B4GALT6: variants seen among roughly 807,000 people sequenced by gnomAD.
The protein encoded by B4GALT6 is beta-1,4-galactosyltransferase 6.
A neutral mutation model predicts 46.3 loss-of-function variants in B4GALT6; 14 were observed. The ratio of observed to expected loss-of-function variants is 0.30; its 90% confidence interval spans 0.20 to 0.47. The LOEUF is 0.47. Among genes scored for constraint, B4GALT6 ranks in the 20% least tolerant of loss-of-function variants. The pLI is 0.99. For synonymous variants in B4GALT6, 168 were observed against 162.0 expected, an observed-to-expected ratio of 1.04 and a Z score of -0.28; for missense variants, 386 against 480.1, an observed-to-expected ratio of 0.80 and a Z score of 1.83.
rs139704031 is a variant in B4GALT6, at chr18:31,655,485, G to C, written c.346+2491C>G. 7.3e-3 allele frequency among the ~76,000 whole-genome samples: 1,119 copies of C among 152,300 alleles called. 11 individuals carry two copies. Among genetic ancestry groups the C allele is most frequent in the African/African-American group, 0.025 (1,057 of 41,568 alleles). ...GACCCCTCCCCACCCCCAGTGAAAA[G>C]GCAGTGCACAGCAGCCACGCACGAC... On this transcript the variant is annotated intron_variant, in intron 3 of 8. Coordinates refer to ENST00000306851, the MANE Select transcript of B4GALT6 (RefSeq NM_004775.5).
intron 5 of B4GALT6, among the ~76,000 whole-genome samples, chr18:31,633,043 T>C (rs1160776768): frequency 1.3e-5 from 2 of 152,128 alleles, no homozygotes; most frequent in African/African-American, 4.8e-5. Context: ...TAAAGACCCA[T>C]GGAGAATACA....
intron 3 of B4GALT6, among the ~76,000 whole-genome samples, chr18:31,651,650 C>T (rs576650818): frequency 6.6e-6 from 1 of 152,222 alleles, no homozygotes; most frequent in Admixed American, 6.5e-5. Flanking sequence ...GGGGAGGAGG[C>T]ATTCCTGAGG....
At chr18:31,716,197 A>G in the B4GALT6 span, among the ~76,000 whole-genome samples, 1 of 152,110 alleles carries the variant, frequency 6.6e-6, no homozygotes, top group African/African-American at 2.4e-5. Flanking sequence ...ACCAATTACA[A>G]CCCTTTTGAT....
the B4GALT6 span, among the ~76,000 whole-genome samples, chr18:31,723,350 C>T: frequency 6.6e-6 from 1 of 152,182 alleles, no homozygotes; most frequent in East Asian, 1.9e-4. Flanking sequence ...GTAAGAATGG[C>T]TATGGGGGAA....
the B4GALT6 span, among the ~76,000 whole-genome samples, chr18:31,717,954 CA>C: frequency 0.018 from 2,334 of 126,272 alleles, 55 homozygotes; most frequent in East Asian, 0.096. Context: ...AACTCCGTCT[CA>C]AAAAAAAAAA....
At chr18:31,683,666 A>G (rs188666044) in intron 1 of B4GALT6, among the ~76,000 whole-genome samples, 12 of 152,310 alleles carry the variant, frequency 7.9e-5, no homozygotes, top group African/African-American at 2.9e-4. Context: ...CGGTTATTTT[A>G]ATCACTATTT....
upstream of B4GALT6, among the ~76,000 whole-genome samples, chr18:31,685,152 C>G (rs1482636523): frequency 2.7e-5 from 4 of 148,098 alleles, no homozygotes; most frequent in Non-Finnish European, 4.5e-5. Flanking sequence ...GGCGGCGTCC[C>G]GGCCAGCGAC....
intron 1 of B4GALT6, among the ~76,000 whole-genome samples, chr18:31,681,118 A>AAACG (rs1272318905): frequency 6.6e-6 from 1 of 151,656 alleles, no homozygotes; most frequent in Non-Finnish European, 1.5e-5. Flanking sequence ...TCCATACCTC[A>AAACG]ATGTCCAGCC....
chr18:31,649,616 T>A (rs1170493807), intron 3 of B4GALT6, among the ~76,000 whole-genome samples: 1 of 145,086 alleles, frequency 6.9e-6, no homozygotes, highest in Non-Finnish European at 1.5e-5. Context: ...TACTAACTTC[T>A]TAAAAGGAAA....
intron 5 of B4GALT6, among the ~76,000 whole-genome samples, chr18:31,635,420 G>A (rs1010952884): frequency 5.3e-5 from 8 of 152,138 alleles, no homozygotes; most frequent in Non-Finnish European, 1.2e-4. Context: ...AAACAAGTCA[G>A]ATTTCACAGT....
chr18:31,697,909 T>C, the B4GALT6 span, among the ~76,000 whole-genome samples: 87 of 152,358 alleles, frequency 5.7e-4, no homozygotes, highest in African/African-American at 1.5e-3. Flanking sequence ...CAGTTTTTTT[T>C]CTGATGTTCT....
At chr18:31,710,114 GA>G in the B4GALT6 span, among the ~76,000 whole-genome samples, 1 of 148,314 alleles carries the variant, frequency 6.7e-6, no homozygotes, top group African/African-American at 2.5e-5. Flanking sequence ...AAAAAGAAAA[GA>G]AAAAAATAAG....
chr18:31,705,631 A>T, the B4GALT6 span, among the ~76,000 whole-genome samples: 2 of 152,172 alleles, frequency 1.3e-5, no homozygotes, highest in African/African-American at 2.4e-5. Flanking sequence ...CAGGTGATCC[A>T]TCCGCCTTGG....
chr18:31,650,795 G>A lies in B4GALT6; in HGVS notation c.347-5316C>T, dbSNP rs899406106. 2.6e-5 allele frequency among the ~76,000 whole-genome samples: 4 copies of A among 152,026 alleles called. No individual in the cohort carries two copies. The South Asian group carries it at 6.2e-4, about 24-fold the overall frequency. On this transcript the variant is annotated intron_variant, in intron 3 of 8. Coordinates refer to ENST00000306851, the MANE Select transcript of B4GALT6 (RefSeq NM_004775.5). ...CCAGCTGCATTTTTTTTGAGACGGAGTCTCGCTCTGTCACCCAGGCTGGAG... is the reference window on the plus strand; with the variant it reads ...CCAGCTGCATTTTTTTTGAGACGGAATCTCGCTCTGTCACCCAGGCTGGAG...
chr18:31,635,216 C>T (rs557986169), intron 5 of B4GALT6, among the ~76,000 whole-genome samples: 26 of 150,900 alleles, frequency 1.7e-4, no homozygotes, highest in African/African-American at 5.8e-4. Context: ...GGCGACAGAG[C>T]GAGACTCCAT....
chr18:31,710,848 A>ACACACACACACACACACT, the B4GALT6 span, among the ~76,000 whole-genome samples: 12 of 151,476 alleles, frequency 7.9e-5, no homozygotes, highest in African/African-American at 2.4e-4. Flanking sequence ...ACACACACAC[A>ACACACACACACACACACT]CTATAATCCT....
chr18:31,701,247 C>T, the B4GALT6 span, among the ~76,000 whole-genome samples: 1 of 152,100 alleles, frequency 6.6e-6, no homozygotes, highest in African/African-American at 2.4e-5. Context: ...AGTAAATTAT[C>T]ACAAGATCTG....
chr18:31,711,529 C>T, the B4GALT6 span, among the ~76,000 whole-genome samples: 2 of 152,120 alleles, frequency 1.3e-5, no homozygotes, highest in Admixed American at 6.5e-5. Flanking sequence ...TCTGTTCCTG[C>T]GTTAGTTTGC....
chr18:31,724,008 G>A, the B4GALT6 span, among the ~76,000 whole-genome samples: 8 of 140,370 alleles, frequency 5.7e-5, no homozygotes, highest in African/African-American at 2.0e-4. Context: ...CGCAGACCCC[G>A]CGGCCCAAAT....
Sources: gnomAD v4.1 joint callset for allele counts (sites outside exome capture counted in the v4.1 genomes callset) on GRCh38, gnomAD v4.1.1 for gene constraint, MANE v1.5 for transcripts, NCBI Gene and HGNC (gene_info 2026-07-23, HGNC 2026-07-21) for gene names.